TMEM17: variants seen among roughly 807,000 people sequenced by gnomAD.
The protein encoded by TMEM17 is transmembrane protein 17.
A neutral mutation model predicts 19.1 loss-of-function variants in TMEM17; 15 were observed. That is an observed-to-expected ratio of 0.78 (90% CI 0.52 to 1.21). The LOEUF (loss-of-function observed/expected upper bound fraction) is 1.21, where lower values mean the gene tolerates loss of function less well. TMEM17 is among the 50% of genes most tolerant of loss of function. The pLI, the probability that TMEM17 is intolerant of heterozygous loss-of-function variation, is 0.00. For synonymous variants in TMEM17, 103 were observed against 86.9 expected, an observed-to-expected ratio of 1.19 and a Z score of -1.03; for missense variants, 245 against 242.3, an observed-to-expected ratio of 1.01 and a Z score of -0.07.
At position 62,502,464 on chromosome 2, in the gene TMEM17, C is replaced by T. The variant is rs1398826343; in HGVS notation, c.291G>A (p.Leu97=). The T allele has an allele frequency of 1.2e-6, 2 of 1,612,018 alleles. No homozygotes were observed. The highest frequency in any genetic ancestry group is 2.2e-5 in the East Asian group (1 of 44,846). The change falls in exon 3 of 4, where the codon CTG becomes CTA. Residue 97 remains leucine (L), a synonymous_variant. Coordinates refer to ENST00000335390, the MANE Select transcript of TMEM17 (RefSeq NM_198276.3). ...ITLIEAIRLY[L]GYVGNLQEKV... is the part of the protein sequence containing the mutation. ...TCTCCTGTAGGTTACCCACGTAGCCCAGATACAACCGGATGGCTTCAATTA... is the reference window on the plus strand; with the variant it reads ...TCTCCTGTAGGTTACCCACGTAGCCTAGATACAACCGGATGGCTTCAATTA...
At chr2:62,468,435 C>T in the TMEM17 span, among the ~76,000 whole-genome samples, 6 of 152,254 alleles carry the variant, frequency 3.9e-5, no homozygotes, top group Non-Finnish European at 8.8e-5. Flanking sequence ...GTCCAAGGGA[C>T]AGTCATCTTT....
At chr2:62,476,923 C>T in the TMEM17 span, among the ~76,000 whole-genome samples, 2 of 152,134 alleles carry the variant, frequency 1.3e-5, no homozygotes, top group African/African-American at 4.8e-5. Flanking sequence ...CTGTGTCCTC[C>T]CTGGAGAGTT....
chr2:62,475,656 GAGAAA>G, the TMEM17 span, among the ~76,000 whole-genome samples: 1 of 152,238 alleles, frequency 6.6e-6, no homozygotes, highest in Non-Finnish European at 1.5e-5. Context: ...TTGTAAAGAG[GAGAAA>G]AGAAAAGAAT....
Position 62,506,177 on chromosome 2 carries a change from G to A in TMEM17, c.-48C>T, listed in dbSNP as rs1362187692. 19 of 1,515,230 alleles carry A rather than the reference G, an allele frequency of 1.3e-5. No homozygotes were observed. Among genetic ancestry groups the A allele is most frequent in the Non-Finnish European group, 1.5e-5 (17 of 1,126,056 alleles). 93.9% of individuals were successfully genotyped at this position (1,515,230 alleles called of 1,614,324 possible). A position where few individuals can be genotyped will look rare whatever the true frequency, so the allele number is the denominator to read the frequency against. ...CCCCCTCAGACACGGGCTAGTCTGC[G>A]GGCGCTCCGAGGCTCCGTGGTTCCC... On this transcript the variant is annotated 5_prime_UTR_variant, in exon 1 of 4. Transcript: ENST00000335390.
rs1307037945 is a variant in TMEM17, at chr2:62,501,198, A to G, written c.*11T>C. ...GAATGATCTGTCAGATTTTCACTCA[A>G]CAACACTGGATCAGATCTCTTCTAT... On this transcript the variant is annotated 3_prime_UTR_variant, in exon 4 of 4. Coordinates refer to ENST00000335390, the MANE Select transcript of TMEM17 (RefSeq NM_198276.3). 1 of 1,608,436 alleles carries G rather than the reference A, an allele frequency of 6.2e-7. No homozygotes were observed. Among genetic ancestry groups the G allele is most frequent in the Non-Finnish European group, 8.5e-7 (1 of 1,175,930 alleles).
downstream of TMEM17, among the ~76,000 whole-genome samples, chr2:62,496,917 G>A (rs1014167527): frequency 9.2e-5 from 14 of 152,314 alleles, no homozygotes; most frequent in Non-Finnish European, 1.9e-4. Flanking sequence ...TTGTGCCACT[G>A]CACTCCAGCC....
downstream of TMEM17, among the ~76,000 whole-genome samples, chr2:62,497,329 AG>A (rs898121323): frequency 2.0e-5 from 3 of 152,228 alleles, no homozygotes; most frequent in Admixed American, 1.3e-4. Context: ...TCAGGGATTC[AG>A]AATAGAGTTC....
intron 3 of TMEM17, 157 bp from the exon 4 acceptor site, chr2:62,501,644 A>T (rs530877613): frequency 2.9e-6 from 2 of 685,316 alleles, no homozygotes; most frequent in Non-Finnish European, 2.4e-6. Flanking sequence ...GAGAACTTAC[A>T]GTCTAGATGA....
At chr2:62,468,494 T>C in the TMEM17 span, among the ~76,000 whole-genome samples, 1 of 152,372 alleles carries the variant, frequency 6.6e-6, no homozygotes, top group South Asian at 2.1e-4. Context: ...GTTGGGGTCC[T>C]GACTTGAGCT....
chr2:62,498,184 A>C (rs1389018123), downstream of TMEM17, among the ~76,000 whole-genome samples: 1 of 151,520 alleles, frequency 6.6e-6, no homozygotes, highest in African/African-American at 2.4e-5. Flanking sequence ...CAGGAATTCA[A>C]AACCAGCCTG....
chr2:62,498,846 T>C (rs192227479), downstream of TMEM17, among the ~76,000 whole-genome samples: 1 of 152,116 alleles, frequency 6.6e-6, no homozygotes, highest in Admixed American at 6.5e-5. Flanking sequence ...TGTAAATCCT[T>C]AGAAGGATAT....
the TMEM17 span, among the ~76,000 whole-genome samples, chr2:62,482,608 G>A: frequency 6.6e-6 from 1 of 152,164 alleles, no homozygotes; most frequent in Non-Finnish European, 1.5e-5. Context: ...TCCATCGATA[G>A]GCCTTGACCC....
the TMEM17 span, among the ~76,000 whole-genome samples, chr2:62,470,098 A>C: frequency 9.2e-5 from 14 of 152,210 alleles, no homozygotes; most frequent in Non-Finnish European, 1.3e-4. Context: ...AGCTCTAAGA[A>C]GACACCCATT....
At chr2:62,482,421 G>A in the TMEM17 span, among the ~76,000 whole-genome samples, 1 of 152,232 alleles carries the variant, frequency 6.6e-6, no homozygotes, top group Non-Finnish European at 1.5e-5. Context: ...AGGAAATGGA[G>A]ACTGAGAAGT....
At chr2:62,503,122 C>G (rs1405304112) in intron 1 of TMEM17, among the ~76,000 whole-genome samples, 2 of 152,154 alleles carry the variant, frequency 1.3e-5, no homozygotes, top group Non-Finnish European at 2.9e-5. Flanking sequence ...ATCATTGCCT[C>G]TTTTGTAGAA....
At chr2:62,476,819 C>T in the TMEM17 span, among the ~76,000 whole-genome samples, 1 of 152,144 alleles carries the variant, frequency 6.6e-6, no homozygotes, top group Non-Finnish European at 1.5e-5. Context: ...AGCTTTATTG[C>T]TTGCTGAGCT....
chr2:62,495,491 A>T (rs1679755483), downstream of TMEM17, among the ~76,000 whole-genome samples: 1 of 152,306 alleles, frequency 6.6e-6, no homozygotes, highest in South Asian at 2.1e-4. Flanking sequence ...TTTTTGATTT[A>T]AAACCCCCAA....
the TMEM17 span, among the ~76,000 whole-genome samples, chr2:62,479,431 T>C: frequency 6.6e-6 from 1 of 152,240 alleles, no homozygotes; most frequent in Non-Finnish European, 1.5e-5. Context: ...CTAACTAGTA[T>C]TCCTGATGTA....
At chr2:62,461,308 G>A in the TMEM17 span, among the ~76,000 whole-genome samples, 1 of 152,210 alleles carries the variant, frequency 6.6e-6, no homozygotes, top group Non-Finnish European at 1.5e-5. Context: ...GGAGATGAGT[G>A]GGACCTCAAA....
Sources: gnomAD v4.1 joint callset for allele counts (sites outside exome capture counted in the v4.1 genomes callset) on GRCh38, gnomAD v4.1.1 for gene constraint, MANE v1.5 for transcripts, NCBI Gene and HGNC (gene_info 2026-07-23, HGNC 2026-07-21) for gene names.